Variants in ATL1 observed in about 807,000 individuals in gnomAD.
The protein encoded by ATL1 is atlastin-1.
A neutral mutation model predicts 75.5 loss-of-function variants in ATL1; 31 were observed. The ratio of observed to expected loss-of-function variants is 0.41; its 90% CI spans 0.31 to 0.55. The LOEUF is 0.55. Among genes scored for constraint, ATL1 ranks in the 20% least tolerant of loss-of-function variants. The pLI, the probability that ATL1 is intolerant of heterozygous loss-of-function variation, is 0.27. For missense variants in ATL1, 405 were observed against 662.6 expected, an observed-to-expected ratio of 0.61 and a Z score of 4.27; for synonymous variants, 226 against 233.3, an observed-to-expected ratio of 0.97 and a Z score of 0.28.
intron 7 of ATL1, among the ~76,000 whole-genome samples, chr14:50,613,840 C>T (rs145526104): frequency 6.6e-6 from 1 of 152,204 alleles, no homozygotes; most frequent in African/African-American, 2.4e-5. Flanking sequence ...ATTAGGTTTA[C>T]AGTCATAAAA....
chr14:50,590,868 A>C, intron 2 of ATL1, 73 bp from the exon 3 acceptor site: 1 of 1,483,324 alleles, frequency 6.7e-7, no homozygotes, highest in South Asian at 1.1e-5. Context: ...GAGGGATAAG[A>C]ATCAGAATGA....
chr14:50,633,043 AAAC>A (rs1321073209), exon 14 of ATL1: 1 of 152,186 alleles, frequency 6.6e-6, no homozygotes, highest in African/African-American at 2.4e-5. Context: ...CTAAGATTAA[AAAC>A]AAATGCTTAC....
intron 2 of ATL1, among the ~76,000 whole-genome samples, chr14:50,589,155 C>CTTTTTTTTTTTTTT (rs34191629): frequency 6.5e-4 from 71 of 109,354 alleles, no homozygotes; most frequent in South Asian, 1.3e-3. Flanking sequence ...TTCTTTCTTT[C>CTTTTTTTTTTTTTT]TTTTTTTTTT....
At chr14:50,557,652 C>G (rs1465196269), upstream of ATL1, among the ~76,000 whole-genome samples, 4 of 152,038 alleles carry the variant, frequency 2.6e-5, no homozygotes, top group African/African-American at 7.2e-5. Flanking sequence ...AATACATAAC[C>G]ATGTATGTTT....
chr14:50,551,465 A>C (rs111302297), intron 1 of ATL1, among the ~76,000 whole-genome samples: 1 of 152,196 alleles, frequency 6.6e-6, no homozygotes, highest in African/African-American at 2.4e-5. Context: ...AATTGGTACC[A>C]ATTCTACTGA....
intron 11 of ATL1, among the ~76,000 whole-genome samples, chr14:50,627,787 TA>T (rs1340949102): frequency 1.2e-4 from 19 of 152,306 alleles, no homozygotes; most frequent in Middle Eastern, 3.4e-3. Flanking sequence ...AAGTGATAAA[TA>T]TTATTTTCCA....
chr14:50,565,978 A>G (rs2038899524), intron 1 of ATL1, among the ~76,000 whole-genome samples: 1 of 151,974 alleles, frequency 6.6e-6, no homozygotes. Context: ...CTCCTTAAGG[A>G]CAACCTGTTT....
intron 1 of ATL1, among the ~76,000 whole-genome samples, chr14:50,566,772 C>T (rs746270615): frequency 5.3e-5 from 8 of 152,034 alleles, no homozygotes; most frequent in Admixed American, 6.6e-5. Flanking sequence ...ACTTTGATCT[C>T]TATGGTGTAT....
At chr14:50,616,498 ATTTATTTT>A (rs1188553284) in intron 8 of ATL1, among the ~76,000 whole-genome samples, 1 of 96,860 alleles carries the variant, frequency 1.0e-5, no homozygotes, top group Non-Finnish European at 2.1e-5. Flanking sequence ...TTATTTATTT[ATTTATTTT>A]GCAGAGATGG....
chr14:50,627,884 T>G, intron 11 of ATL1, 147 bp from the exon 12 acceptor site: 1 of 725,468 alleles, frequency 1.4e-6, no homozygotes. Context: ...GGATAGGGGG[T>G]GGAAAGATGT....
At chr14:50,603,240 C>T (rs2039287698) in intron 6 of ATL1, among the ~76,000 whole-genome samples, 1 of 152,142 alleles carries the variant, frequency 6.6e-6, no homozygotes, top group African/African-American at 2.4e-5. Context: ...TCCTCAGTGT[C>T]AAGTACTTCA....
At chr14:50,617,267 T>G (rs2039424442) in intron 8 of ATL1, among the ~76,000 whole-genome samples, 2 of 152,260 alleles carry the variant, frequency 1.3e-5, no homozygotes, top group African/African-American at 4.8e-5. Context: ...TTAAAGGTAC[T>G]GAATCACATT....
At chr14:50,535,336 C>A (rs1030937452) in intron 1 of ATL1, among the ~76,000 whole-genome samples, 1 of 152,174 alleles carries the variant, frequency 6.6e-6, no homozygotes, top group African/African-American at 2.4e-5. Flanking sequence ...TTATCCAAGA[C>A]AAAATGGCTA....
In ATL1 at chr14:50,593,846, G is replaced by A; in HGVS notation, c.523G>A (p.Val175Ile). The change falls in exon 5 of 14, where the codon GTA (valine) becomes ATA (isoleucine). Residue 175 changes from valine to isoleucine, a missense_variant and splice_region_variant. Around this residue, in one of 5 missense-constraint regions of ATL1, gnomAD observed 59 missense variants for 161.4 expected, o/e 0.37. Transcript: ENST00000358385. ...ALSTMISSIQVYNLSQNVQED... is the reference protein window; with the variant it reads ...ALSTMISSIQIYNLSQNVQED... Reference sequence around the variant, plus strand: ...ATTGTAATTTTATTTCTTTATCAAGGTATATAACTTATCCCAAAATGTCCA... The same window carrying A: ...ATTGTAATTTTATTTCTTTATCAAGATATATAACTTATCCCAAAATGTCCA... 2 of 1,582,750 alleles carry A rather than the reference G, an allele frequency of 1.3e-6. No individual in the cohort carries two copies. Among genetic ancestry groups the A allele is most frequent in the Non-Finnish European group, 1.7e-6 (2 of 1,151,994 alleles).
chr14:50,595,509 G>T, intron 5 of ATL1, 67 bp from the exon 6 acceptor site: 1 of 1,471,294 alleles, frequency 6.8e-7, no homozygotes, highest in Non-Finnish European at 9.4e-7. Flanking sequence ...AACTTTGCAG[G>T]TGCTAAAGTT....
At chr14:50,560,777 CGGCGGCG>C (rs1046248862) in intron 1 of ATL1, among the ~76,000 whole-genome samples, 2 of 152,164 alleles carry the variant, frequency 1.3e-5, no homozygotes, top group African/African-American at 4.8e-5. Flanking sequence ...CGCGGGCTCC[CGGCGGCG>C]GGCGGCGGGC....
In ATL1 at chr14:50,623,259, A is replaced by C; in HGVS notation, c.1119+11A>C. On this transcript the variant is annotated intron_variant, in intron 11 of 13. Coordinates refer to ENST00000358385, the MANE Select transcript of ATL1 (RefSeq NM_015915.5). ...AAAAAAATGGAAGAGGTAAGAGTTAAATATTTTAAATTCTGTCTTAAACAA... is the reference window on the plus strand; with the variant it reads ...AAAAAAATGGAAGAGGTAAGAGTTACATATTTTAAATTCTGTCTTAAACAA... 1 of 1,606,954 alleles carries C rather than the reference A, an allele frequency of 6.2e-7. No homozygotes were observed.
At chr14:50,543,763 G>T (rs947638602) in intron 1 of ATL1, among the ~76,000 whole-genome samples, 2 of 152,200 alleles carry the variant, frequency 1.3e-5, no homozygotes, top group African/African-American at 2.4e-5. Context: ...AGAGGTAGGA[G>T]TGGCTCTTCT....
intron 6 of ATL1, among the ~76,000 whole-genome samples, chr14:50,606,439 C>T (rs750040172): frequency 9.2e-5 from 14 of 151,770 alleles, no homozygotes; most frequent in Non-Finnish European, 1.9e-4. Context: ...AGTATGTGCT[C>T]ATGAAAAGTG....
Sources: allele counts gnomAD v4.1 joint callset (sites outside exome capture counted in the v4.1 genomes callset), GRCh38; gene constraint gnomAD v4.1.1; regional missense constraint gnomAD v4.1.1; transcripts MANE v1.5; gene names NCBI Gene and HGNC (gene_info 2026-07-23, HGNC 2026-07-21).